ROR1: variants seen among roughly 807,000 people sequenced by gnomAD.
ROR1 encodes the protein ROR family WNT receptor 1.
Under a neutral mutation model 78.8 loss-of-function variants are expected in ROR1, and 19 were observed. The ratio of observed to expected loss-of-function variants is 0.24; its 90% CI spans 0.17 to 0.35. ROR1 has a LOEUF of 0.35. Ranked by LOEUF, ROR1 falls within the 10% of genes least tolerant of loss-of-function variation. ROR1 has a pLI of 1.00. For missense variants in ROR1, 917 were observed against 1,177.8 expected (o/e 0.78, Z 3.24); for synonymous variants, 386 against 433.6 (o/e 0.89, Z 1.36).
intron 4 of ROR1, among the ~76,000 whole-genome samples, chr1:64,051,306 C>T (rs998780761): frequency 4.6e-5 from 7 of 151,472 alleles, no homozygotes; most frequent in Non-Finnish European, 7.4e-5. Flanking sequence ...AAAAATTAGC[C>T]GTGCGTCGTG....
At chr1:64,143,679 G>A (rs981248554) in intron 7 of ROR1, among the ~76,000 whole-genome samples, 2 of 152,180 alleles carry the variant, frequency 1.3e-5, no homozygotes, top group Non-Finnish European at 2.9e-5. Flanking sequence ...TCCGAGCATG[G>A]GGAGACGCCA....
intron 1 of ROR1, among the ~76,000 whole-genome samples, chr1:63,988,856 C>T (rs75239969): frequency 0.033 from 5,057 of 152,274 alleles, 282 homozygotes; most frequent in African/African-American, 0.12. Flanking sequence ...ATTGTATGCA[C>T]ATGCACATTT....
intron 1 of ROR1, among the ~76,000 whole-genome samples, chr1:63,911,966 C>A (rs1206228028): frequency 6.6e-6 from 1 of 151,980 alleles, no homozygotes; most frequent in African/African-American, 2.4e-5. Flanking sequence ...TGTGGAGGTG[C>A]TGTGTGGGTA....
chr1:63,864,437 T>G (rs1645202289), intron 1 of ROR1, among the ~76,000 whole-genome samples: 1 of 152,214 alleles, frequency 6.6e-6, no homozygotes, highest in Non-Finnish European at 1.5e-5. Context: ...CAGTCTGGAT[T>G]CATGTCTCAG....
At position 64,179,575 on chromosome 1, in the gene ROR1, C is replaced by T. The variant is rs544729768; in HGVS notation, c.*720C>T. 35 of 152,220 alleles carry T rather than the reference C, an allele frequency of 2.3e-4. No homozygotes were observed. Among genetic ancestry groups the T allele is most frequent in the African/African-American group, 8.4e-4 (35 of 41,526 alleles). 9.4% of individuals were successfully genotyped at this position (152,220 alleles called of 1,614,324 possible). A position where few individuals can be genotyped will look rare whatever the true frequency, so the allele number is the denominator to read the frequency against. ...CTTGGAATAACACAGCGCATCAGAC[C>T]ATAAGAAGGCTAGATGTGGATGCTA... is the stretch of plus-strand genomic sequence containing the variant. On this transcript the variant is annotated 3_prime_UTR_variant, in exon 9 of 9. Coordinates refer to ENST00000371079, the MANE Select transcript of ROR1 (RefSeq NM_005012.4).
intron 7 of ROR1, among the ~76,000 whole-genome samples, chr1:64,155,460 T>C (rs550207253): frequency 2.7e-5 from 3 of 109,710 alleles, no homozygotes; most frequent in Non-Finnish European, 6.3e-5. Flanking sequence ...ATTATTTCAC[T>C]TGGCAAAAAG....
chr1:63,835,455 A>G (rs947417975), intron 1 of ROR1, among the ~76,000 whole-genome samples: 1 of 152,234 alleles, frequency 6.6e-6, no homozygotes, highest in Non-Finnish European at 1.5e-5. Flanking sequence ...GGGGCTGCAG[A>G]GATGAGTAAG....
intron 1 of ROR1, among the ~76,000 whole-genome samples, chr1:63,856,187 C>G (rs975877661): frequency 6.6e-6 from 1 of 151,762 alleles, no homozygotes; most frequent in Non-Finnish European, 1.5e-5. Context: ...TGGGTACTGG[C>G]TATTTTTGTA....
intron 4 of ROR1, among the ~76,000 whole-genome samples, chr1:64,063,964 T>C (rs1646937330): frequency 6.6e-6 from 1 of 152,182 alleles, no homozygotes; most frequent in African/African-American, 2.4e-5. Flanking sequence ...TCTCTCTCTC[T>C]CTCTGCCCCA....
intron 2 of ROR1, among the ~76,000 whole-genome samples, chr1:64,016,957 G>A (rs144607212): frequency 4.3e-4 from 65 of 151,310 alleles, no homozygotes; most frequent in Middle Eastern, 3.4e-3. Context: ...TTATTCTGTC[G>A]CCCAGGCTGG....
intron 1 of ROR1, among the ~76,000 whole-genome samples, chr1:63,988,827 T>TAAAA (rs984434334): frequency 1.3e-5 from 2 of 152,236 alleles, no homozygotes; most frequent in African/African-American, 4.8e-5. Flanking sequence ...TCTTCCTTTT[T>TAAAA]AAGGCTGAAT....
At chr1:63,960,392 C>A (rs1323096193) in intron 1 of ROR1, among the ~76,000 whole-genome samples, 1 of 152,194 alleles carries the variant, frequency 6.6e-6, no homozygotes, top group Non-Finnish European at 1.5e-5. Flanking sequence ...GTGGTCAAGA[C>A]CGTCAAGGGA....
chr1:64,021,834 C>T (rs1397229900), intron 2 of ROR1, among the ~76,000 whole-genome samples: 2 of 151,820 alleles, frequency 1.3e-5, no homozygotes, highest in African/African-American at 4.8e-5. Context: ...TAATAAATAT[C>T]CTATACTCTT....
chr1:64,180,688 A>G lies in ROR1; in HGVS notation c.*1833A>G, dbSNP rs191703016. 2 of 152,316 alleles carry G rather than the reference A, an allele frequency of 1.3e-5. No homozygotes were observed. Among genetic ancestry groups the G allele is most frequent in the Admixed American group, 1.3e-4 (2 of 15,304 alleles). The allele number at this position is 152,316 out of a possible 1,614,324, so 9.4% of individuals were successfully genotyped here. A position where few individuals can be genotyped will look rare whatever the true frequency, so the allele number is the denominator to read the frequency against. On this transcript the variant is annotated 3_prime_UTR_variant, in exon 9 of 9. Coordinates refer to ENST00000371079, the MANE Select transcript of ROR1 (RefSeq NM_005012.4). ...TCCTTTTGTTGCTATGCAACTGTTTAATGATGAAGCTTCAAACCACAATTT... is the reference window on the plus strand; with the variant it reads ...TCCTTTTGTTGCTATGCAACTGTTTGATGATGAAGCTTCAAACCACAATTT...
chr1:63,794,903 G>A (rs1644750702), intron 1 of ROR1, among the ~76,000 whole-genome samples: 1 of 152,224 alleles, frequency 6.6e-6, no homozygotes, highest in African/African-American at 2.4e-5. Context: ...TGATAGTGGT[G>A]GGGTGCAGTC....
intron 1 of ROR1, among the ~76,000 whole-genome samples, chr1:63,808,540 A>C (rs1030713940): frequency 1.3e-5 from 2 of 152,198 alleles, no homozygotes; most frequent in Admixed American, 1.3e-4. Context: ...GGTATTGATA[A>C]ATGTCTGTTA....
At chr1:63,823,445 CTTTTTTTTTTT>C (rs11374055) in intron 1 of ROR1, among the ~76,000 whole-genome samples, 3 of 106,172 alleles carry the variant, frequency 2.8e-5, no homozygotes, top group Non-Finnish European at 5.2e-5. Context: ...ACAGACATTA[CTTTTTTTTTTT>C]TTTTTTTTTT....
rs1008980362 is a variant in ROR1 at position 64,179,613 on chromosome 1, G to T, written c.*758G>T. 1.3e-5 allele frequency: 2 copies of T among 152,164 alleles called. No homozygotes were observed. Among genetic ancestry groups the T allele is most frequent in the Non-Finnish European group, 2.9e-5 (2 of 68,066 alleles). 9.4% of individuals were successfully genotyped at this position (152,164 alleles called of 1,614,324 possible). ...GATGTGGATGCTAGAATTGATTGTT[G>T]GTTGATAGTTCTCTTTGCTGGATTA... On this transcript the variant is annotated 3_prime_UTR_variant, in exon 9 of 9. Coordinates refer to ENST00000371079, the MANE Select transcript of ROR1 (RefSeq NM_005012.4).
At chr1:63,921,799 T>C (rs1440922918) in intron 1 of ROR1, among the ~76,000 whole-genome samples, 3 of 152,306 alleles carry the variant, frequency 2.0e-5, no homozygotes, top group African/African-American at 7.2e-5. Flanking sequence ...TATCCTCATC[T>C]ACAAAGCAGA....
Sources: allele counts gnomAD v4.1 joint callset (sites outside exome capture counted in the v4.1 genomes callset), GRCh38; gene constraint gnomAD v4.1.1; transcripts MANE v1.5; gene names NCBI Gene and HGNC (gene_info 2026-07-23, HGNC 2026-07-21).